STARD3NL: variants seen among roughly 807,000 people sequenced by gnomAD.
The protein encoded by STARD3NL is STARD3 N-terminal-like protein.
Under a neutral mutation model 30.9 loss-of-function variants are expected in STARD3NL, and 17 were observed. The ratio of observed to expected loss-of-function variants is 0.55; its 90% confidence interval spans 0.38 to 0.82. The LOEUF is 0.82. STARD3NL is among the 40% of genes least tolerant of loss of function. The probability of loss-of-function intolerance (pLI) is 0.00; values close to 1 mark genes in which losing one functional copy is unlikely to be tolerated. For synonymous variants in STARD3NL, 112 were observed against 100.5 expected (o/e 1.11, Z -0.69); for missense variants, 234 against 277.6 (o/e 0.84, Z 1.12).
chr7:38,179,119 A>G (rs1784142860), intron 1 of STARD3NL: 1 of 152,246 alleles, frequency 6.6e-6, no homozygotes, highest in African/African-American at 2.4e-5. Context: ...CACTTGACAC[A>G]GTACTAGTTT....
chr7:38,219,701 C>G, intron 7 of STARD3NL, 41 bp downstream of exon 7: 1 of 1,527,708 alleles, frequency 6.5e-7, no homozygotes, highest in Non-Finnish European at 9.1e-7. Flanking sequence ...ATCTCTCATT[C>G]AAAGGCTCTG....
intron 1 of STARD3NL, among the ~76,000 whole-genome samples, chr7:38,196,030 A>T (rs1235777522): frequency 6.6e-6 from 1 of 152,248 alleles, no homozygotes; most frequent in Non-Finnish European, 1.5e-5. Context: ...GAGTAGGCTC[A>T]TGTCTCAGTG....
At chr7:38,182,769 G>A (rs1031615604) in intron 1 of STARD3NL, among the ~76,000 whole-genome samples, 5 of 152,172 alleles carry the variant, frequency 3.3e-5, no homozygotes, top group Non-Finnish European at 7.3e-5. Flanking sequence ...GCATGGGTAT[G>A]GAATCAAGTT....
At chr7:38,194,639 T>C in intron 1 of STARD3NL, among the ~76,000 whole-genome samples, 1 of 152,264 alleles carries the variant, frequency 6.6e-6, no homozygotes, top group Non-Finnish European at 1.5e-5. Flanking sequence ...TTTTACTTTT[T>C]AAATATTTTT....
At chr7:38,199,988 A>G (rs569228059) in intron 1 of STARD3NL, among the ~76,000 whole-genome samples, 1 of 152,288 alleles carries the variant, frequency 6.6e-6, no homozygotes, top group Non-Finnish European at 1.5e-5. Flanking sequence ...GGCAGCTCTA[A>G]TCTAGTCTGT....
At chr7:38,187,069 C>T (rs1253991221) in intron 1 of STARD3NL, among the ~76,000 whole-genome samples, 1 of 152,094 alleles carries the variant, frequency 6.6e-6, no homozygotes, top group Non-Finnish European at 1.5e-5. Context: ...TCTTAATCCT[C>T]AGGGCCCATC....
In STARD3NL at chr7:38,197,136, T is replaced by TTTCTTTCTTTC. The variant is rs1784937316; in HGVS notation, c.-58-10309_-58-10308insCTTTCTTTCTT. ...TGATCCTGTGAGATAGCATTACCTT[T>TTTCTTTCTTTC]TTTCTTTCTTTCTTTCTTTCTTTCT... is the stretch of plus-strand genomic sequence containing the variant. On this transcript the variant is annotated intron_variant, in intron 1 of 8. Transcript: ENST00000009041. 2.6e-3 allele frequency among the ~76,000 whole-genome samples: 295 copies of TTTCTTTCTTTC among 112,380 alleles called. 1 individual carries two copies. The highest frequency in any genetic ancestry group is 0.025 in the East Asian group (99 of 3,924). The allele number at this position is 112,380 out of a possible 152,430, so 73.7% of individuals were successfully genotyped here. A position where few individuals can be genotyped will look rare whatever the true frequency, so the allele number is the denominator to read the frequency against.
At position 38,229,970 on chromosome 7, in the gene STARD3NL, GTGGAGT is replaced by G. The variant is rs2116476831; in HGVS notation, c.*66_*71del. The G allele has an allele frequency of 6.5e-6, 1 of 152,752 alleles. No individual in the cohort carries two copies. Among genetic ancestry groups the G allele is most frequent in the East Asian group, 1.9e-4 (1 of 5,190 alleles). The allele number at this position is 152,752 out of a possible 1,614,324, so 9.5% of individuals were successfully genotyped here. A position where few individuals can be genotyped will look rare whatever the true frequency, so the allele number is the denominator to read the frequency against. ...TCATCGAGGCAAAAAGAGGCAGGCA[GTGGAGT>G]CTCCCTGTCGACAGTAAAGTTGAAA... On this transcript the variant is annotated 3_prime_UTR_variant, in exon 9 of 9. Coordinates refer to ENST00000009041, the MANE Select transcript of STARD3NL (RefSeq NM_032016.4).
In STARD3NL at chr7:38,214,346, C is replaced by T. The variant is rs1456246126; in HGVS notation, c.226-11C>T. On this transcript the variant is annotated splice_polypyrimidine_tract_variant and intron_variant, in intron 2 of 8. Coordinates refer to ENST00000009041, the MANE Select transcript of STARD3NL (RefSeq NM_032016.4). ...CCTCTCCTTGTTTTTGCTTCTTACTCTCCTTTCTAGGTGAATGGAGGCATT... is the reference window on the plus strand; with the variant it reads ...CCTCTCCTTGTTTTTGCTTCTTACTTTCCTTTCTAGGTGAATGGAGGCATT... The T allele has an allele frequency of 1.3e-6, 2 of 1,581,284 alleles. No homozygotes were observed. The highest frequency in any genetic ancestry group is 1.7e-5 in the Admixed American group (1 of 57,648).
At chr7:38,179,518 CAGA>C (rs1784161926) in intron 1 of STARD3NL, among the ~76,000 whole-genome samples, 2 of 152,190 alleles carry the variant, frequency 1.3e-5, no homozygotes, top group African/African-American at 4.8e-5. Context: ...CTTATGTTCA[CAGA>C]AGGATGGTGA....
chr7:38,222,691 T>C (rs1786538116), intron 7 of STARD3NL, among the ~76,000 whole-genome samples: 2 of 152,300 alleles, frequency 1.3e-5, no homozygotes, highest in South Asian at 4.1e-4. Context: ...TAGTGGTACC[T>C]TGGAGCATTA....
chr7:38,203,844 A>G lies in STARD3NL; in HGVS notation c.-58-3603A>G, dbSNP rs550564651. On this transcript the variant is annotated intron_variant, in intron 1 of 8. Transcript: ENST00000009041. The stretch of plus-strand genomic sequence containing the variant: ...GGTTGCAATCTTAGGCTCTCATAAA[A>G]CAGACTTTAAACCAAGAAAGATCAA... Among the ~76,000 whole-genome samples the G allele has an allele frequency of 1.1e-4, 17 of 152,336 alleles. No homozygotes were observed. The South Asian group carries it at 3.1e-3, about 28-fold the overall frequency.
At chr7:38,183,594 G>A (rs1004887062) in intron 1 of STARD3NL, among the ~76,000 whole-genome samples, 4 of 152,102 alleles carry the variant, frequency 2.6e-5, no homozygotes, top group African/African-American at 7.2e-5. Context: ...TCACTAAATA[G>A]CATTCAAAAT....
intron 7 of STARD3NL, among the ~76,000 whole-genome samples, chr7:38,219,978 C>G (rs1335859587): frequency 1.3e-5 from 2 of 152,186 alleles, no homozygotes; most frequent in Non-Finnish European, 2.9e-5. Context: ...CTCTAGGACT[C>G]CCATATCTGA....
intron 1 of STARD3NL, among the ~76,000 whole-genome samples, chr7:38,200,908 T>A (rs1246346934): frequency 1.3e-5 from 2 of 152,204 alleles, no homozygotes; most frequent in African/African-American, 2.4e-5. Context: ...GATGGCCAAA[T>A]GTTTCTGAGT....
chr7:38,202,722 C>G (rs1251327429), intron 1 of STARD3NL, among the ~76,000 whole-genome samples: 3 of 100,306 alleles, frequency 3.0e-5, no homozygotes, highest in African/African-American at 4.2e-5. Flanking sequence ...ATCCCTCCCC[C>G]CTCCCCCCAC....
At chr7:38,189,483 T>C (rs902132428) in intron 1 of STARD3NL, among the ~76,000 whole-genome samples, 4 of 152,164 alleles carry the variant, frequency 2.6e-5, no homozygotes, top group Non-Finnish European at 5.9e-5. Context: ...CAGGGGTCCC[T>C]GAGTTCTAGT....
At chr7:38,211,865 A>G (rs1236914228) in intron 2 of STARD3NL, among the ~76,000 whole-genome samples, 1 of 152,210 alleles carries the variant, frequency 6.6e-6, no homozygotes, top group African/African-American at 2.4e-5. Flanking sequence ...TTCATGCTTC[A>G]TATCCAGTCT....
chr7:38,220,296 C>A (rs1471737963), intron 7 of STARD3NL, among the ~76,000 whole-genome samples: 1 of 152,084 alleles, frequency 6.6e-6, no homozygotes, highest in Non-Finnish European at 1.5e-5. Flanking sequence ...AAATAAACAA[C>A]CTGATTAAAA....
Sources: allele counts gnomAD v4.1 joint callset (sites outside exome capture counted in the v4.1 genomes callset), GRCh38; gene constraint gnomAD v4.1.1; transcripts MANE v1.5; gene names NCBI Gene and HGNC (gene_info 2026-07-23, HGNC 2026-07-21).